The following TMEM182 variants were observed in gnomAD, a reference collection of about 807,000 sequenced individuals.
TMEM182 encodes transmembrane protein 182.
TMEM182 carries 20 observed loss-of-function variants against 26.8 expected under a neutral mutation model. The ratio of observed to expected loss-of-function variants is 0.75; its 90% CI spans 0.53 to 1.09. TMEM182 has a LOEUF of 1.09. Ranked by LOEUF, TMEM182 falls within the 50% of genes least tolerant of loss-of-function variation. TMEM182 has a pLI of 0.00. For missense variants in TMEM182, 277 were observed against 275.5 expected (o/e 1.01, Z -0.04); for synonymous variants, 109 against 102.2 (o/e 1.07, Z -0.40).
intron 3 of TMEM182, among the ~76,000 whole-genome samples, chr2:102,828,365 G>C (rs1284855135): frequency 6.6e-6 from 1 of 152,150 alleles, no homozygotes; most frequent in African/African-American, 2.4e-5. Flanking sequence ...ACTCAGGGCT[G>C]ATATGTGTCA....
rs758599184 is a variant in TMEM182, at chr2:102,814,723, C to T, written c.470-25C>T. ...GAGAAAACATCTTCAGAAAGGCTAA[C>T]AGTCTTCTGTTTCATCCTTCTCAGG... On this transcript the variant is annotated intron_variant, in intron 4 of 4. Coordinates refer to ENST00000412401, the MANE Select transcript of TMEM182 (RefSeq NM_144632.5). The T allele has an allele frequency of 3.8e-6, 6 of 1,595,262 alleles. No homozygotes were observed. The Admixed American group carries it at 8.6e-5, about 23-fold the overall frequency.
At chr2:102,820,555 G>C (rs1418465909), downstream of TMEM182, among the ~76,000 whole-genome samples, 1 of 152,122 alleles carries the variant, frequency 6.6e-6, no homozygotes, top group Non-Finnish European at 1.5e-5. Context: ...TTCTTTCTAA[G>C]GCAAGAATTC....
At chr2:102,744,189 G>T (rs564014817) in intron 1 of TMEM182, among the ~76,000 whole-genome samples, 1 of 152,144 alleles carries the variant, frequency 6.6e-6, no homozygotes, top group African/African-American at 2.4e-5. Context: ...AAGTTTAAAA[G>T]AATAGAAACA....
chr2:102,798,076 A>C, intron 4 of TMEM182, 76 bp downstream of exon 4: 2 of 1,524,470 alleles, frequency 1.3e-6, no homozygotes, highest in Non-Finnish European at 8.8e-7. Flanking sequence ...TTCTATATTC[A>C]GGCGTCAGCC....
rs138866077 is a variant in TMEM182 at position 102,749,488 on chromosome 2, C to T, written c.-82-8901C>T. Among the ~76,000 whole-genome samples the T allele has an allele frequency of 1.8e-3, 270 of 152,150 alleles. 2 individuals carry two copies. The highest frequency in any genetic ancestry group is 2.3e-3 in the Non-Finnish European group (154 of 67,968). On this transcript the variant is annotated intron_variant, in intron 1 of 5. Transcript: ENST00000409173. ...AATTTCTTACTGGGAAAGATGAAAA[C>T]GTTCTGAAATTAGATTATGGTGATG...
intron 3 of TMEM182, among the ~76,000 whole-genome samples, chr2:102,790,269 A>C (rs1681580215): frequency 6.6e-6 from 1 of 152,214 alleles, no homozygotes; most frequent in Admixed American, 6.5e-5. Context: ...CCCCTCTTAG[A>C]GGCCCCTGAT....
chr2:102,812,778 G>T (rs919947893), intron 4 of TMEM182, among the ~76,000 whole-genome samples: 1 of 152,150 alleles, frequency 6.6e-6, no homozygotes, highest in African/African-American at 2.4e-5. Context: ...ATGCAAGGAA[G>T]ATAAAAACCA....
At chr2:102,837,570 GT>G in intron 3 of TMEM182, among the ~76,000 whole-genome samples, 1 of 152,126 alleles carries the variant, frequency 6.6e-6, no homozygotes, top group Non-Finnish European at 1.5e-5. Context: ...TCTGGGGGCT[GT>G]TGTGGTGTCA....
Position 102,816,904 on chromosome 2 carries a change from A to G in TMEM182, c.*1936A>G. On this transcript the variant is annotated 3_prime_UTR_variant, in exon 5 of 5. Coordinates refer to ENST00000412401, the MANE Select transcript of TMEM182 (RefSeq NM_144632.5). The stretch of plus-strand genomic sequence containing the variant: ...GCTTTCGGCAAAGGCTTGAATATTT[A>G]TAAATTTCAGATGGTTATCCTCACT... 1 of 985,798 alleles carries G rather than the reference A, an allele frequency of 1.0e-6. No homozygotes were observed. The highest frequency in any genetic ancestry group is 1.2e-6 in the Non-Finnish European group (1 of 829,852). 61.1% of individuals were successfully genotyped at this position (985,798 alleles called of 1,614,324 possible).
intron 3 of TMEM182, among the ~76,000 whole-genome samples, chr2:102,841,500 C>T (rs1416677163): frequency 6.6e-6 from 1 of 152,150 alleles, no homozygotes; most frequent in Non-Finnish European, 1.5e-5. Context: ...AGCCGAGCCC[C>T]AGTAAAGGTT....
intron 3 of TMEM182, among the ~76,000 whole-genome samples, chr2:102,797,540 A>T (rs1681920421): frequency 6.6e-6 from 1 of 152,204 alleles, no homozygotes; most frequent in Non-Finnish European, 1.5e-5. Context: ...AGAACTCTTT[A>T]GAAGCAAGAA....
chr2:102,795,573 C>G (rs999861150), intron 3 of TMEM182, among the ~76,000 whole-genome samples: 1 of 152,160 alleles, frequency 6.6e-6, no homozygotes, highest in Non-Finnish European at 1.5e-5. Context: ...GGGGCGCACA[C>G]CACTCAGGGC....
At position 102,817,442 on chromosome 2, in the gene TMEM182, G is replaced by C; in HGVS notation, c.*2474G>C. 4.1e-6 allele frequency: 4 copies of C among 985,336 alleles called. No individual in the cohort carries two copies. The highest frequency in any genetic ancestry group is 4.8e-6 in the Non-Finnish European group (4 of 829,908). 61.0% of individuals were successfully genotyped at this position (985,336 alleles called of 1,614,324 possible). A position where few individuals can be genotyped will look rare whatever the true frequency, so the allele number is the denominator to read the frequency against. On this transcript the variant is annotated 3_prime_UTR_variant, in exon 5 of 5. Transcript: ENST00000412401. Reference sequence around the variant, plus strand: ...GCTATCATCTCTCCATATTGTATTTGTTCAGCTGGTTTAATTCACTCAGGT... The same window carrying C: ...GCTATCATCTCTCCATATTGTATTTCTTCAGCTGGTTTAATTCACTCAGGT...
intron 1 of TMEM182, among the ~76,000 whole-genome samples, chr2:102,751,694 T>A (rs552589219): frequency 6.6e-6 from 1 of 152,188 alleles, no homozygotes; most frequent in Non-Finnish European, 1.5e-5. Context: ...TTTCTTTCTT[T>A]CTTTTTAGAG....
chr2:102,829,493 A>G (rs892023026), intron 3 of TMEM182, among the ~76,000 whole-genome samples: 1 of 152,182 alleles, frequency 6.6e-6, no homozygotes, highest in African/African-American at 2.4e-5. Context: ...ACAGCAATTT[A>G]TACTGGGAAA....
chr2:102,836,198 C>T (rs998860191), intron 3 of TMEM182, among the ~76,000 whole-genome samples: 1 of 152,160 alleles, frequency 6.6e-6, no homozygotes, highest in African/African-American at 2.4e-5. Context: ...CAATAGACAT[C>T]CATGTGCAGA....
intron 3 of TMEM182, among the ~76,000 whole-genome samples, chr2:102,774,512 G>T (rs181566176): frequency 2.0e-5 from 3 of 151,348 alleles, no homozygotes; most frequent in Non-Finnish European, 4.4e-5. Context: ...TGATCTGCCC[G>T]CCTCAGCCTC....
intron 1 of TMEM182, among the ~76,000 whole-genome samples, chr2:102,751,232 C>T (rs1300273385): frequency 2.6e-5 from 4 of 152,070 alleles, no homozygotes; most frequent in Non-Finnish European, 5.9e-5. Context: ...CGGAGTTCAC[C>T]GGATTTTATA....
chr2:102,744,312 T>G (rs2104630521), intron 1 of TMEM182, among the ~76,000 whole-genome samples: 1 of 152,254 alleles, frequency 6.6e-6, no homozygotes, highest in East Asian at 1.9e-4. Flanking sequence ...CGCACCTAGC[T>G]TAAAGAAGAC....
Sources: allele counts gnomAD v4.1 joint callset (sites outside exome capture counted in the v4.1 genomes callset), GRCh38; gene constraint gnomAD v4.1.1; transcripts MANE v1.5; gene names NCBI Gene and HGNC (gene_info 2026-07-23, HGNC 2026-07-21).